PDE4B: variants seen among roughly 807,000 people sequenced by gnomAD.
The protein encoded by PDE4B is 3',5'-cyclic-AMP phosphodiesterase 4B.
Under a neutral mutation model 82.2 loss-of-function variants are expected in PDE4B, and 20 were observed. The ratio of observed to expected loss-of-function variants is 0.24; its 90% CI spans 0.17 to 0.35. PDE4B has a LOEUF of 0.35. Ranked by LOEUF, PDE4B falls within the 10% of genes least tolerant of loss-of-function variation. The pLI is 1.00. For missense variants in PDE4B, 655 were observed against 907.2 expected, an observed-to-expected ratio of 0.72 and a Z score of 3.57; for synonymous variants, 320 against 318.9, an observed-to-expected ratio of 1.00 and a Z score of -0.04.
At chr1:66,267,386 A>G (rs1350336478) in intron 7 of PDE4B, 5 of 152,246 alleles carry the variant, frequency 3.3e-5, no homozygotes, top group Middle Eastern at 3.2e-3. Flanking sequence ...TGAAACTCCA[A>G]TCATTTCATC....
At chr1:65,805,761 C>T (rs1200631963) in intron 1 of PDE4B, among the ~76,000 whole-genome samples, 1 of 152,110 alleles carries the variant, frequency 6.6e-6, no homozygotes, top group Non-Finnish European at 1.5e-5. Context: ...AGCCATTTTA[C>T]TCAGAATTTT....
intron 1 of PDE4B, among the ~76,000 whole-genome samples, chr1:65,819,362 A>G (rs190897029): frequency 1.1e-3 from 162 of 152,292 alleles, no homozygotes; most frequent in African/African-American, 3.2e-3. Flanking sequence ...TGAATGTCAG[A>G]AGGCTTGTAG....
At chr1:66,291,920 G>A (rs1411716312) in intron 7 of PDE4B, among the ~76,000 whole-genome samples, 2 of 152,102 alleles carry the variant, frequency 1.3e-5, no homozygotes, top group African/African-American at 2.4e-5. Flanking sequence ...CTTTTAGGTG[G>A]TTGTAGCCTG....
intron 3 of PDE4B, among the ~76,000 whole-genome samples, chr1:66,036,817 T>C (rs1654090126): frequency 6.6e-6 from 1 of 152,174 alleles, no homozygotes; most frequent in South Asian, 2.1e-4. Flanking sequence ...TGGAGTCTTT[T>C]ATGATTCCGT....
At chr1:66,074,539 A>C (rs946613260) in intron 3 of PDE4B, among the ~76,000 whole-genome samples, 1 of 152,132 alleles carries the variant, frequency 6.6e-6, no homozygotes, top group African/African-American at 2.4e-5. Flanking sequence ...CTTTTAGTAC[A>C]TAAACACTAT....
rs984915144 is a variant in PDE4B at position 66,344,161 on chromosome 1, A to T, written c.748-11366A>T. ...CTCCATTCTATAAGTGAGTCAGATG[A>T]TTTAGATACATATATGTTTACTAAT... On this transcript the variant is annotated intron_variant, in intron 8 of 16. Coordinates refer to ENST00000341517, the MANE Select transcript of PDE4B (RefSeq NM_002600.4). 2.0e-5 allele frequency among the ~76,000 whole-genome samples: 3 copies of T among 152,196 alleles called. No individual in the cohort carries two copies. The East Asian group carries it at 5.8e-4, about 29-fold the overall frequency.
At chr1:66,285,188 G>A (rs886523729) in intron 7 of PDE4B, among the ~76,000 whole-genome samples, 1 of 152,134 alleles carries the variant, frequency 6.6e-6, no homozygotes, top group African/African-American at 2.4e-5. Context: ...AACTCTGTGA[G>A]TTCTTAAAAA....
chr1:65,804,098 C>A (rs1645726662), intron 1 of PDE4B, among the ~76,000 whole-genome samples: 1 of 152,110 alleles, frequency 6.6e-6, no homozygotes, highest in South Asian at 2.1e-4. Flanking sequence ...GCTTTTTAGG[C>A]ATGCTTAGGG....
intron 16 of PDE4B, among the ~76,000 whole-genome samples, chr1:66,371,900 C>G (rs757856865): frequency 6.6e-6 from 1 of 152,146 alleles, no homozygotes; most frequent in Non-Finnish European, 1.5e-5. Context: ...TCTTTGGGTC[C>G]CTGGAAATCA....
intron 3 of PDE4B, among the ~76,000 whole-genome samples, chr1:65,931,382 T>A (rs1476380305): frequency 6.6e-6 from 1 of 152,194 alleles, no homozygotes; most frequent in African/African-American, 2.4e-5. Context: ...AATAAAATTA[T>A]CTTTGCAGAT....
chr1:65,869,890 C>A (rs890079919), intron 1 of PDE4B, among the ~76,000 whole-genome samples: 8 of 150,906 alleles, frequency 5.3e-5, no homozygotes, highest in Non-Finnish European at 7.4e-5. Flanking sequence ...CTTTTTTCAT[C>A]AACTAACAGA....
At chr1:66,261,004 C>T (rs1226554496) in intron 6 of PDE4B, among the ~76,000 whole-genome samples, 1 of 152,126 alleles carries the variant, frequency 6.6e-6, no homozygotes, top group Non-Finnish European at 1.5e-5. Context: ...CAGAGTTGAT[C>T]CTGTTACTGA....
chr1:65,927,370 T>C (rs985203915), intron 3 of PDE4B, among the ~76,000 whole-genome samples: 11 of 149,768 alleles, frequency 7.3e-5, no homozygotes, highest in African/African-American at 2.7e-4. Flanking sequence ...TGTTTTAAGA[T>C]ATATATACTA....
intron 3 of PDE4B, among the ~76,000 whole-genome samples, chr1:66,164,356 G>A (rs888383413): frequency 4.6e-5 from 7 of 151,704 alleles, no homozygotes; most frequent in Admixed American, 3.9e-4. Context: ...CCAACATGGT[G>A]AAACCCCATC....
chr1:66,298,585 A>G (rs509363), intron 7 of PDE4B, among the ~76,000 whole-genome samples: 94,387 of 152,014 alleles, frequency 0.62, 29,876 homozygotes, highest in African/African-American at 0.71. Flanking sequence ...TTTATGGGGC[A>G]GGGCCTGGGC....
chr1:66,275,124 G>A (rs924662845), intron 7 of PDE4B, among the ~76,000 whole-genome samples: 1 of 152,120 alleles, frequency 6.6e-6, no homozygotes, highest in Admixed American at 6.5e-5. Context: ...AAAGCAGAGT[G>A]CAAAAAAAGA....
chr1:65,878,704 G>A (rs1646676630), intron 1 of PDE4B, among the ~76,000 whole-genome samples: 1 of 152,032 alleles, frequency 6.6e-6, no homozygotes, highest in African/African-American at 2.4e-5. Flanking sequence ...ACACAGGGAG[G>A]GGAACATCAC....
Position 66,368,015 on chromosome 1 carries a change from G to C in PDE4B, c.1612G>C (p.Val538Leu). 1.2e-6 allele frequency: 2 copies of C among 1,613,866 alleles called. No homozygotes were observed. The highest frequency in any genetic ancestry group is 1.7e-6 in the Non-Finnish European group (2 of 1,179,846). ...DLKTMVETKK[V>L]TSSGVLLLDN... ...GAAGACAATGGTAGAAACGAAGAAA[G>C]TTACAAGTTCAGGCGTTCTTCTCCT... Residue 538 changes from valine to leucine, a missense_variant, in exon 15 of 17, where the codon GTT becomes CTT. By Grantham distance (32) the Val-to-Leu change is conservative. This residue lies in a region of PDE4B where 283 missense variants were observed against 516.4 expected (regional missense o/e 0.55). Coordinates refer to ENST00000341517, the MANE Select transcript of PDE4B (RefSeq NM_002600.4).
chr1:66,316,342 G>A (rs920276053), intron 7 of PDE4B, among the ~76,000 whole-genome samples: 1 of 152,050 alleles, frequency 6.6e-6, no homozygotes, highest in African/African-American at 2.4e-5. Flanking sequence ...ATATTATATG[G>A]TAAATGCCAG....
Sources: allele counts gnomAD v4.1 joint callset (sites outside exome capture counted in the v4.1 genomes callset), GRCh38; gene constraint gnomAD v4.1.1; regional missense constraint gnomAD v4.1.1; transcripts MANE v1.5; gene names NCBI Gene and HGNC (gene_info 2026-07-23, HGNC 2026-07-21).